The following ARFGEF1 variants were observed in gnomAD, a reference collection of about 807,000 sequenced individuals.
The protein encoded by ARFGEF1 is brefeldin A-inhibited guanine nucleotide-exchange protein 1.
Under a neutral mutation model 231.0 loss-of-function variants are expected in ARFGEF1, and 42 were observed. That is an observed-to-expected ratio of 0.18 (90% CI 0.14 to 0.24). The LOEUF is 0.24. Ranked by LOEUF, ARFGEF1 falls within the 10% of genes least tolerant of loss-of-function variation. ARFGEF1 has a pLI of 1.00. For synonymous variants in ARFGEF1, 710 were observed against 732.3 expected, an observed-to-expected ratio of 0.97 and a Z score of 0.49; for missense variants, 1,345 against 2,192.0, an observed-to-expected ratio of 0.61 and a Z score of 7.72.
chr8:67,315,173 T>A (rs11776794), intron 1 of ARFGEF1, among the ~76,000 whole-genome samples: 7,530 of 152,142 alleles, frequency 0.049, 268 homozygotes, highest in Non-Finnish European at 0.073. Context: ...ACAAAAGACA[T>A]TACACAATGA....
intron 1 of ARFGEF1, among the ~76,000 whole-genome samples, chr8:67,320,417 T>C (rs1294543801): frequency 6.6e-6 from 1 of 151,986 alleles, no homozygotes; most frequent in Admixed American, 6.6e-5. Context: ...AAATGCACAA[T>C]AGCACAGCCA....
chr8:67,263,210 G>C (rs1007905334), intron 14 of ARFGEF1, among the ~76,000 whole-genome samples: 3 of 152,092 alleles, frequency 2.0e-5, no homozygotes, highest in African/African-American at 7.2e-5. Context: ...CAGGCTTAAA[G>C]ATCCAATTCA....
rs1838394610 is a variant in ARFGEF1 at position 67,203,194 on chromosome 8, A to G, written c.5017T>C (p.Phe1673Leu). Residue 1673 changes from phenylalanine (F) to leucine (L), a missense_variant, in exon 36 of 39, where the codon TTT becomes CTT. Phe to Leu is a conservative substitution (Grantham distance 22, BLOSUM62 0). Transcript: ENST00000262215. ...VDTQDQGMYRFLTSQQLFKLL... is the reference protein window; with the variant it reads ...VDTQDQGMYRLLTSQQLFKLL... ...TTAAAAAGTTGTTGTGATGTTAAAA[A>G]GCGGTACATTCCTTGGTCTTGAGTA... 6.2e-7 allele frequency: 1 copy of G among 1,614,246 alleles called. No individual in the cohort carries two copies.
chr8:67,235,654 T>C (rs1011708615), intron 22 of ARFGEF1, among the ~76,000 whole-genome samples: 5 of 151,734 alleles, frequency 3.3e-5, no homozygotes, highest in South Asian at 2.1e-4. Context: ...CATACTGAAA[T>C]AGGAAAAAAA....
At chr8:67,243,338 G>A (rs1331290498) in intron 19 of ARFGEF1, among the ~76,000 whole-genome samples, 2 of 152,178 alleles carry the variant, frequency 1.3e-5, no homozygotes, top group South Asian at 2.1e-4. Context: ...ATGTGGCTGA[G>A]AGGCCTCACA....
chr8:67,286,438 T>TA (rs1463612589), intron 7 of ARFGEF1, among the ~76,000 whole-genome samples: 6 of 152,200 alleles, frequency 3.9e-5, no homozygotes, highest in Admixed American at 1.3e-4. Context: ...GGTCAGATGA[T>TA]AAACATTTTA....
At chr8:67,246,499 T>G (rs1054911246) in intron 19 of ARFGEF1, among the ~76,000 whole-genome samples, 2 of 150,490 alleles carry the variant, frequency 1.3e-5, no homozygotes, top group African/African-American at 5.0e-5. Flanking sequence ...AATATGCTCC[T>G]GAATGACCAG....
intron 19 of ARFGEF1, among the ~76,000 whole-genome samples, chr8:67,241,337 A>T (rs746273680): frequency 5.9e-5 from 9 of 152,236 alleles, no homozygotes; most frequent in African/African-American, 2.2e-4. Flanking sequence ...TGAGAGAAAC[A>T]TAAGTGCCGT....
rs149284902 is a variant in ARFGEF1, at chr8:67,318,806, T to C, written c.125-16340A>G. Among the ~76,000 whole-genome samples, 74 of 152,206 alleles carry C rather than the reference T, an allele frequency of 4.9e-4. 1 individual carries two copies. Among genetic ancestry groups the C allele is most frequent in the African/African-American group, 1.4e-3 (60 of 41,530 alleles). On this transcript the variant is annotated intron_variant, in intron 1 of 38. Coordinates refer to ENST00000262215, the MANE Select transcript of ARFGEF1 (RefSeq NM_006421.5). ...CTTGAGCAATACAGTGAGACCGCCA[T>C]CTCTACAAAAAAGTTTAAAAATTAG...
intron 1 of ARFGEF1, among the ~76,000 whole-genome samples, chr8:67,341,767 A>G (rs1380341500): frequency 6.6e-6 from 1 of 152,220 alleles, no homozygotes; most frequent in African/African-American, 2.4e-5. Flanking sequence ...ATATAAATAC[A>G]GTTTTTGCCA....
intron 1 of ARFGEF1, among the ~76,000 whole-genome samples, chr8:67,305,012 G>A (rs896915944): frequency 6.6e-6 from 1 of 152,142 alleles, no homozygotes; most frequent in Non-Finnish European, 1.5e-5. Flanking sequence ...GGCAGTTTTT[G>A]TTATAAGGTG....
intron 5 of ARFGEF1, 142 bp from the exon 6 acceptor site, chr8:67,292,265 A>C (rs1806041034): frequency 1.4e-6 from 1 of 712,972 alleles, no homozygotes; most frequent in African/African-American, 1.8e-5. Flanking sequence ...TGGAGAACAT[A>C]AACTATACTA....
intron 33 of ARFGEF1, among the ~76,000 whole-genome samples, chr8:67,214,415 AG>A (rs1276620868): frequency 6.6e-6 from 1 of 152,240 alleles, no homozygotes; most frequent in East Asian, 1.9e-4. Flanking sequence ...TGCTGTTTAT[AG>A]TACAATGCAA....
intron 34 of ARFGEF1, chr8:67,207,117 T>C (rs1838550845): frequency 6.6e-6 from 1 of 152,212 alleles, no homozygotes; most frequent in African/African-American, 2.4e-5. Flanking sequence ...CGGTTATCTC[T>C]TCCTCTTAAA....
intron 38 of ARFGEF1, 131 bp from the exon 39 acceptor site, chr8:67,199,229 T>C: frequency 1.9e-6 from 2 of 1,061,308 alleles, no homozygotes; most frequent in Non-Finnish European, 2.7e-6. Context: ...GCAGTGACTC[T>C]GGTTTGTGGA....
At chr8:67,336,305 C>G (rs1808344398) in intron 1 of ARFGEF1, among the ~76,000 whole-genome samples, 1 of 152,186 alleles carries the variant, frequency 6.6e-6, no homozygotes. Context: ...AAGACAGGAT[C>G]TGATTGTGTA....
chr8:67,265,161 G>A (rs1041554305), intron 14 of ARFGEF1, among the ~76,000 whole-genome samples: 2 of 152,104 alleles, frequency 1.3e-5, no homozygotes, highest in African/African-American at 2.4e-5. Flanking sequence ...ATTTCCTGAG[G>A]CAATTTGGTA....
At chr8:67,233,891 T>C (rs989476110) in intron 22 of ARFGEF1, among the ~76,000 whole-genome samples, 2 of 152,102 alleles carry the variant, frequency 1.3e-5, no homozygotes, top group African/African-American at 4.8e-5. Flanking sequence ...TTCCTCTCCA[T>C]TGTTCTCATC....
At chr8:67,339,851 A>G (rs1182175216) in intron 1 of ARFGEF1, among the ~76,000 whole-genome samples, 2 of 144,118 alleles carry the variant, frequency 1.4e-5, no homozygotes, top group African/African-American at 2.6e-5. Context: ...GAAGTCTGAC[A>G]TAAGAAAATT....
Sources: gnomAD v4.1 joint callset for allele counts (sites outside exome capture counted in the v4.1 genomes callset) on GRCh38, gnomAD v4.1.1 for gene constraint, MANE v1.5 for transcripts, NCBI Gene and HGNC (gene_info 2026-07-23, HGNC 2026-07-21) for gene names.